The following EEF1AKMT4 variants were observed in gnomAD, a reference collection of about 807,000 sequenced individuals.
EEF1AKMT4 encodes the protein eukaryotic translation elongation factor 1 alpha lysine specific methyltransferase 4.
Under a neutral mutation model 23.0 loss-of-function variants are expected in EEF1AKMT4, and 17 were observed. The observed-to-expected ratio is 0.74, with a 90% CI of 0.51 to 1.11. The LOEUF is 1.11. Among genes scored for constraint, EEF1AKMT4 ranks in the 50% least tolerant of loss-of-function variants. The pLI, the probability that EEF1AKMT4 is intolerant of heterozygous loss-of-function variation, is 0.00. For missense variants in EEF1AKMT4, 318 were observed against 333.4 expected, an observed-to-expected ratio of 0.95 and a Z score of 0.36; for synonymous variants, 140 against 141.4, an observed-to-expected ratio of 0.99 and a Z score of 0.07.
At chr3:184,255,894 TC>T (rs1295088931) in intron 1 of EEF1AKMT4, among the ~76,000 whole-genome samples, 1 of 152,238 alleles carries the variant, frequency 6.6e-6, no homozygotes, top group Non-Finnish European at 1.5e-5. Flanking sequence ...GCAGCAACTG[TC>T]TGATGACACA....
intron 2 of EEF1AKMT4, 130 bp from the exon 3 acceptor site, chr3:184,258,158 C>T: frequency 1.1e-6 from 1 of 890,334 alleles, no homozygotes; most frequent in East Asian, 2.4e-5. Flanking sequence ...TCACTCTTTG[C>T]CATGGAAAGC....
In EEF1AKMT4 at chr3:184,249,720, C is replaced by T. The variant is rs143159008; in HGVS notation, c.26C>T (p.Ala9Val). 37 of 1,609,838 alleles carry T rather than the reference C, an allele frequency of 2.3e-5. No homozygotes were observed. The highest frequency in any genetic ancestry group is 3.0e-5 in the Non-Finnish European group (35 of 1,177,690). Residue 9 changes from alanine to valine, a missense_variant, in exon 1 of 3, where the codon GCG becomes GTG. Coordinates refer to ENST00000324557, the MANE Select transcript of EEF1AKMT4 (RefSeq NM_032331.4). Reference sequence around the variant, plus strand: ...ATGGCCTCTCCAGGGGCAGGTAGGGCGCCTCCGGAGTTACCGGAGCGGAAC... The same window carrying T: ...ATGGCCTCTCCAGGGGCAGGTAGGGTGCCTCCGGAGTTACCGGAGCGGAAC... MASPGAGR[A>V]PPELPERNCG...
In EEF1AKMT4 at chr3:184,254,559, AG is replaced by A. The variant is rs376646223; in HGVS notation, c.197-2913del. 1.3e-4 allele frequency among the ~76,000 whole-genome samples: 20 copies of A among 149,976 alleles called. No homozygotes were observed. In the East Asian group the frequency reaches 1.7e-3, roughly 13 times the overall value. ...CTCTACTAAAAAAAAAAAAAAAAAA[AG>A]AAATTAGCCGGGCGTGGTGGCGGGC... On this transcript the variant is annotated intron_variant, in intron 1 of 2. Coordinates refer to ENST00000324557, the MANE Select transcript of EEF1AKMT4 (RefSeq NM_032331.4).
intron 1 of EEF1AKMT4, among the ~76,000 whole-genome samples, chr3:184,253,982 T>C (rs1035898545): frequency 1.3e-5 from 2 of 152,214 alleles, no homozygotes; most frequent in African/African-American, 4.8e-5. Flanking sequence ...TAGTATCCTT[T>C]ATATGGCTCT....
Position 184,249,703 on chromosome 3 carries a change from T to C in EEF1AKMT4, c.9T>C (p.Ser3=). MA[S]PGAGRAPPEL... ...GCCCGGCGGTTGAGAGCATGGCCTCTCCAGGGGCAGGTAGGGCGCCTCCGG... is the reference window on the plus strand; with the variant it reads ...GCCCGGCGGTTGAGAGCATGGCCTCCCCAGGGGCAGGTAGGGCGCCTCCGG... Residue 3 remains serine (S), a synonymous_variant, in exon 1 of 3, where the codon TCT becomes TCC. Coordinates refer to ENST00000324557, the MANE Select transcript of EEF1AKMT4 (RefSeq NM_032331.4). 6.2e-7 allele frequency: 1 copy of C among 1,606,672 alleles called. No individual in the cohort carries two copies. The highest frequency in any genetic ancestry group is 8.5e-7 in the Non-Finnish European group (1 of 1,175,522).
rs111287000 is a variant in EEF1AKMT4, at chr3:184,249,681, C to A, written c.-14C>A. 4.7e-5 allele frequency: 75 copies of A among 1,580,280 alleles called. No homozygotes were observed. The African/African-American group carries it at 9.0e-4, about 19-fold the overall frequency. On this transcript the variant is annotated 5_prime_UTR_variant, in exon 1 of 3. Coordinates refer to ENST00000324557, the MANE Select transcript of EEF1AKMT4 (RefSeq NM_032331.4). ...TGAAGGGCCGGCGGCTCTGGCTGCC[C>A]GGCGGTTGAGAGCATGGCCTCTCCA...
At chr3:184,257,451 T>A (rs751240671) in intron 1 of EEF1AKMT4, 22 bp from the exon 2 acceptor site, 2 of 1,580,566 alleles carry the variant, frequency 1.3e-6, no homozygotes, top group Non-Finnish European at 1.7e-6. Flanking sequence ...GCTCTTTTGC[T>A]ACCCATTCCC....
intron 1 of EEF1AKMT4, among the ~76,000 whole-genome samples, chr3:184,254,540 T>TAAAA (rs1213250266): frequency 1.0e-5 from 1 of 99,126 alleles, no homozygotes. Flanking sequence ...CCGTCTCTAC[T>TAAAA]AAAAAAAAAA....
Position 184,249,725 on chromosome 3 carries a change from C to A in EEF1AKMT4, c.31C>A (p.Pro11Thr). 6.2e-7 allele frequency: 1 copy of A among 1,611,736 alleles called. No individual in the cohort carries two copies. The highest frequency in any genetic ancestry group is 8.5e-7 in the Non-Finnish European group (1 of 1,179,036). Reference protein sequence around the residue: MASPGAGRAPPELPERNCGYR... With the variant: MASPGAGRAPTELPERNCGYR... ...CTCTCCAGGGGCAGGTAGGGCGCCT[C>A]CGGAGTTACCGGAGCGGAACTGCGG... is the stretch of plus-strand genomic sequence containing the variant. Residue 11 changes from proline (P) to threonine (T), a missense_variant, in exon 1 of 3, where the codon CCG becomes ACG. Physicochemically the swap from Pro to Thr is conservative, Grantham distance 38. Transcript: ENST00000324557.
Position 184,257,619 on chromosome 3 carries a change from C to A in EEF1AKMT4, c.343C>A (p.Arg115=). The A allele has an allele frequency of 3.7e-6, 6 of 1,614,176 alleles. No homozygotes were observed. Among genetic ancestry groups the A allele is most frequent in the Non-Finnish European group, 5.1e-6 (6 of 1,180,044 alleles). ...GCTGCGCTGGGAGACCATGGATGTG[C>A]GGAAGCTGGACTTCCCCAGTGCTTC... ...PQLRWETMDV[R]KLDFPSASFD... Residue 115 remains arginine, a synonymous_variant, in exon 2 of 3, where the codon CGG becomes AGG. Coordinates refer to ENST00000324557, the MANE Select transcript of EEF1AKMT4 (RefSeq NM_032331.4).
intron 1 of EEF1AKMT4, 88 bp from the exon 2 acceptor site, chr3:184,257,385 A>T: frequency 7.2e-7 from 1 of 1,379,890 alleles, no homozygotes; most frequent in Non-Finnish European, 9.9e-7. Context: ...ATTGAGAGAA[A>T]ACGGGGCCAA....
chr3:184,257,512 G>A lies in EEF1AKMT4; in HGVS notation c.236G>A (p.Gly79Glu), dbSNP rs1312767232. 1 of 1,611,652 alleles carries A rather than the reference G, an allele frequency of 6.2e-7. No individual in the cohort carries two copies. The highest frequency in any genetic ancestry group is 2.2e-5 in the East Asian group (1 of 44,826). The change falls in exon 2 of 3, where the codon GGA becomes GAA. Residue 79 changes from glycine (G) to glutamate (E), a missense_variant. Transcript: ENST00000324557. The part of the protein sequence containing the change: ...NSALSYELFL[G>E]GFPNVTSVDY... ...GCCCTGAGCTACGAGCTGTTCCTCG[G>A]AGGCTTCCCTAATGTGACCAGTGTG...
Position 184,249,706 on chromosome 3 carries a change from A to G in EEF1AKMT4, c.12A>G (p.Pro4=), listed in dbSNP as rs753528254. Residue 4 remains proline, a synonymous_variant, in exon 1 of 3, where the codon CCA becomes CCG. Coordinates refer to ENST00000324557, the MANE Select transcript of EEF1AKMT4 (RefSeq NM_032331.4). MAS[P]GAGRAPPELP... Reference sequence around the variant, plus strand: ...CGGCGGTTGAGAGCATGGCCTCTCCAGGGGCAGGTAGGGCGCCTCCGGAGT... The same window carrying G: ...CGGCGGTTGAGAGCATGGCCTCTCCGGGGGCAGGTAGGGCGCCTCCGGAGT... The G allele has an allele frequency of 1.2e-6, 2 of 1,607,480 alleles. No homozygotes were observed.
intron 1 of EEF1AKMT4, among the ~76,000 whole-genome samples, chr3:184,251,105 GA>G (rs111389390): frequency 4.9e-4 from 37 of 75,930 alleles, no homozygotes; most frequent in South Asian, 1.2e-3. Flanking sequence ...AAAAAAAAAA[GA>G]AAAGAACTTG....
Position 184,249,700 on chromosome 3 carries a change from C to T in EEF1AKMT4, c.6C>T (p.Ala2=), listed in dbSNP as rs1719424070. 4 of 1,599,812 alleles carry T rather than the reference C, an allele frequency of 2.5e-6. No individual in the cohort carries two copies. Among genetic ancestry groups the T allele is most frequent in the Non-Finnish European group, 3.4e-6 (4 of 1,170,074 alleles). The change falls in exon 1 of 3, where the codon GCC becomes GCT. Residue 2 remains alanine (A), a synonymous_variant. Coordinates refer to ENST00000324557, the MANE Select transcript of EEF1AKMT4 (RefSeq NM_032331.4). ...GCTGCCCGGCGGTTGAGAGCATGGC[C>T]TCTCCAGGGGCAGGTAGGGCGCCTC... is the stretch of plus-strand genomic sequence containing the variant. M[A]SPGAGRAPPE...
rs56403529 is a variant in EEF1AKMT4 at position 184,254,520 on chromosome 3, C to T, written c.197-2953C>T. On this transcript the variant is annotated intron_variant, in intron 1 of 2. Transcript: ENST00000324557. Reference sequence around the variant, plus strand: ...GAGATCGAGACCATCCTGGCTAACACGGTGAAACCCCGTCTCTACTAAAAA... The same window carrying T: ...GAGATCGAGACCATCCTGGCTAACATGGTGAAACCCCGTCTCTACTAAAAA... Among the ~76,000 whole-genome samples the T allele has an allele frequency of 2.5e-3, 369 of 145,890 alleles. 1 individual carries two copies. The highest frequency in any genetic ancestry group is 9.0e-3 in the African/African-American group (352 of 39,072).
At chr3:184,257,791 A>G (rs1470117400) in intron 2 of EEF1AKMT4, 35 bp downstream of exon 2, 1 of 1,583,620 alleles carries the variant, frequency 6.3e-7, no homozygotes, top group Non-Finnish European at 8.6e-7. Context: ...GCAGATCAAT[A>G]GGTGGGGCTG....
At chr3:184,255,047 C>T (rs1233677188) in intron 1 of EEF1AKMT4, among the ~76,000 whole-genome samples, 1 of 152,192 alleles carries the variant, frequency 6.6e-6, no homozygotes, top group Non-Finnish European at 1.5e-5. Flanking sequence ...CAGTGACCAG[C>T]TTTTGTTTCC....
chr3:184,258,449 C>T lies in EEF1AKMT4; in HGVS notation c.642C>T (p.Gly214=), dbSNP rs757100745. ...FHFHLYLMHK[G]GKLSVAQLAL... is the part of the protein sequence containing the mutation. ...TCCATCTCTACCTCATGCACAAGGG[C>T]GGGAAGCTCAGTGTGGCCCAGCTGG... Residue 214 remains glycine, a synonymous_variant, in exon 3 of 3, where the codon GGC becomes GGT. Transcript: ENST00000324557. 8 of 1,613,938 alleles carry T rather than the reference C, an allele frequency of 5.0e-6. No homozygotes were observed. Among genetic ancestry groups the T allele is most frequent in the East Asian group, 2.2e-5 (1 of 44,878 alleles).
Sources: gnomAD v4.1 joint callset for allele counts (sites outside exome capture counted in the v4.1 genomes callset) on GRCh38, gnomAD v4.1.1 for gene constraint, MANE v1.5 for transcripts, NCBI Gene and HGNC (gene_info 2026-07-23, HGNC 2026-07-21) for gene names.